The following ARHGAP8 variants were observed in gnomAD, a reference collection of about 807,000 sequenced individuals.
ARHGAP8 encodes Rho GTPase activating protein 8, also known as rho GTPase-activating protein 8.
ARHGAP8 carries 62 observed loss-of-function variants against 46.1 expected under a neutral mutation model. The ratio of observed to expected loss-of-function variants is 1.34; its 90% CI spans 1.10 to 1.66. The LOEUF (loss-of-function observed/expected upper bound fraction) is 1.66, where lower values mean the gene tolerates loss of function less well. Ranked by LOEUF, ARHGAP8 falls within the 40% of genes most tolerant of loss-of-function variation. The probability of loss-of-function intolerance (pLI) is 0.00; values close to 1 mark genes in which losing one functional copy is unlikely to be tolerated. For missense variants in ARHGAP8, 923 were observed against 568.4 expected, an observed-to-expected ratio of 1.62 and a Z score of -6.34; for synonymous variants, 375 against 243.1, an observed-to-expected ratio of 1.54 and a Z score of -5.05.
At chr22:44,825,822 G>A (rs1930477333) in intron 7 of ARHGAP8, among the ~76,000 whole-genome samples, 1 of 138,802 alleles carries the variant, frequency 7.2e-6, no homozygotes, top group Non-Finnish European at 1.6e-5. Context: ...GCGCATGCTC[G>A]CTGCTCGGTG....
intron 10 of ARHGAP8, among the ~76,000 whole-genome samples, chr22:44,858,920 T>G (rs533697429): frequency 1.3e-5 from 2 of 151,826 alleles, no homozygotes; most frequent in African/African-American, 4.9e-5. Context: ...TTTGTGGGCC[T>G]TGTAGTCTCT....
rs1187263017 is a variant in ARHGAP8 at position 44,829,349 on chromosome 22, C to T, written c.596+3756C>T. Among the ~76,000 whole-genome samples the T allele has an allele frequency of 3.9e-5, 6 of 151,942 alleles. No individual in the cohort carries two copies. The East Asian group carries it at 1.2e-3, about 29-fold the overall frequency. On this transcript the variant is annotated intron_variant, in intron 7 of 11. Transcript: ENST00000356099. ...AAGCATAGCTCACAGACTTCGAAAGCCGTCTACCTGAGTGAAGTGTGGGAA... is the reference window on the plus strand; with the variant it reads ...AAGCATAGCTCACAGACTTCGAAAGTCGTCTACCTGAGTGAAGTGTGGGAA...
intron 10 of ARHGAP8, among the ~76,000 whole-genome samples, chr22:44,859,054 AT>A (rs2070336116): frequency 6.6e-6 from 1 of 151,408 alleles, no homozygotes; most frequent in South Asian, 2.1e-4. Context: ...GATCTAAGCC[AT>A]GGGCCGTAGT....
chr22:44,820,849 C>CCTGGCGCTGGTG (rs955258048), intron 5 of ARHGAP8, among the ~76,000 whole-genome samples: 3 of 152,146 alleles, frequency 2.0e-5, no homozygotes, highest in Middle Eastern at 3.2e-3. Context: ...TTAGGAACCA[C>CCTGGCGCTGGTG]CTGGCGCTGG....
intron 10 of ARHGAP8, among the ~76,000 whole-genome samples, chr22:44,855,106 A>G (rs2070189638): frequency 6.6e-6 from 1 of 152,258 alleles, no homozygotes; most frequent in African/African-American, 2.4e-5. Flanking sequence ...CAATTTGAAT[A>G]GAACTCCTTT....
chr22:44,801,445 C>T (rs7291554), intron 2 of ARHGAP8, among the ~76,000 whole-genome samples: 460 of 132,500 alleles, frequency 3.5e-3, no homozygotes, highest in African/African-American at 0.012. Flanking sequence ...GGGCACCTCT[C>T]CCCGCAGCTG....
intron 10 of ARHGAP8, among the ~76,000 whole-genome samples, chr22:44,853,258 C>G (rs988738950): frequency 6.6e-6 from 1 of 152,128 alleles, no homozygotes; most frequent in Admixed American, 6.5e-5. Context: ...ACTGGGTGTT[C>G]CGGTGAACTT....
chr22:44,809,518 A>G (rs1006011892), intron 4 of ARHGAP8: 4 of 304,136 alleles, frequency 1.3e-5, no homozygotes, highest in African/African-American at 6.6e-5. Context: ...TGGCAGCCTC[A>G]TTTTACAGAT....
intron 3 of ARHGAP8, among the ~76,000 whole-genome samples, chr22:44,804,119 C>T (rs11912518): frequency 0.14 from 21,018 of 151,962 alleles, 2,035 homozygotes; most frequent in African/African-American, 0.27. Flanking sequence ...ACATGGGCCT[C>T]GCACCCTGCA....
intron 2 of ARHGAP8, among the ~76,000 whole-genome samples, chr22:44,800,440 C>T (rs541466128): frequency 1.3e-5 from 2 of 152,162 alleles, no homozygotes; most frequent in African/African-American, 2.4e-5. Context: ...GCGCCTGGCC[C>T]GGAGCCTGGA....
At chr22:44,779,442 G>A (rs1037657749) in intron 1 of ARHGAP8, among the ~76,000 whole-genome samples, 10 of 152,026 alleles carry the variant, frequency 6.6e-5, no homozygotes, top group Non-Finnish European at 1.2e-4. Context: ...GACCACTCAC[G>A]TCGGTACGCG....
At chr22:44,844,846 G>A (rs1810659101) in intron 7 of ARHGAP8, among the ~76,000 whole-genome samples, 1 of 152,124 alleles carries the variant, frequency 6.6e-6, no homozygotes. Flanking sequence ...TTTTTTAATT[G>A]AATCAATATC....
At chr22:44,790,592 C>T (rs1210925878) in intron 2 of ARHGAP8, among the ~76,000 whole-genome samples, 1 of 142,538 alleles carries the variant, frequency 7.0e-6, no homozygotes, top group Non-Finnish European at 1.5e-5. Context: ...AGGAGAATCG[C>T]TTGAACCCGG....
At chr22:44,800,458 G>A (rs1187718433) in intron 2 of ARHGAP8, among the ~76,000 whole-genome samples, 2 of 152,184 alleles carry the variant, frequency 1.3e-5, no homozygotes, top group African/African-American at 2.4e-5. Context: ...GGATTCTGAG[G>A]ACAGAGATAA....
intron 7 of ARHGAP8, among the ~76,000 whole-genome samples, chr22:44,837,345 GGAC>G (rs1367720226): frequency 1.3e-5 from 2 of 152,322 alleles, no homozygotes; most frequent in African/African-American, 4.8e-5. Context: ...TCCAGTGGGT[GGAC>G]GACTGTCGGA....
At chr22:44,856,430 C>T (rs146278267) in intron 10 of ARHGAP8, among the ~76,000 whole-genome samples, 292 of 152,106 alleles carry the variant, frequency 1.9e-3, no homozygotes, top group Non-Finnish European at 3.7e-3. Context: ...CCCGCCACCA[C>T]GCCTGGCTAA....
At chr22:44,776,285 T>C (rs1312718461) in intron 1 of ARHGAP8, among the ~76,000 whole-genome samples, 2 of 152,068 alleles carry the variant, frequency 1.3e-5, no homozygotes, top group Non-Finnish European at 2.9e-5. Context: ...ACCCAGTCTC[T>C]ACTAAAAATA....
chr22:44,815,547 CTCTT>C (rs890757112), intron 5 of ARHGAP8, among the ~76,000 whole-genome samples: 8 of 152,146 alleles, frequency 5.3e-5, no homozygotes, highest in Admixed American at 1.3e-4. Flanking sequence ...GGCCAGCCTT[CTCTT>C]TGGAACGTGT....
intron 10 of ARHGAP8, among the ~76,000 whole-genome samples, chr22:44,853,193 C>T (rs909761587): frequency 1.1e-4 from 16 of 152,274 alleles, no homozygotes; most frequent in African/African-American, 3.4e-4. Flanking sequence ...GAGAGAGTGG[C>T]AGCAGCTGGC....
Sources: allele counts gnomAD v4.1 joint callset (sites outside exome capture counted in the v4.1 genomes callset), GRCh38; gene constraint gnomAD v4.1.1; transcripts MANE v1.5; gene names NCBI Gene and HGNC (gene_info 2026-07-23, HGNC 2026-07-21).